The following ZNF280D variants were observed in gnomAD, a reference collection of about 807,000 sequenced individuals.
The protein encoded by ZNF280D is zinc finger protein 280D.
ZNF280D carries 39 observed loss-of-function variants against 94.7 expected under a neutral mutation model. The ratio of observed to expected loss-of-function variants is 0.41; its 90% CI spans 0.32 to 0.54. ZNF280D has a LOEUF of 0.54. Among genes scored for constraint, ZNF280D ranks in the 20% least tolerant of loss-of-function variants. The pLI is 0.22. For missense variants in ZNF280D, 1,090 were observed against 1,149.3 expected (o/e 0.95, Z 0.75); for synonymous variants, 398 against 377.6 (o/e 1.05, Z -0.63).
chr15:56,697,634 C>T (rs905404288), intron 6 of ZNF280D: 12 of 152,074 alleles, frequency 7.9e-5, no homozygotes, highest in South Asian at 2.1e-4. Context: ...GACAGTGGTG[C>T]CCTAACTCTT....
intron 6 of ZNF280D, among the ~76,000 whole-genome samples, chr15:56,694,116 A>G (rs2056587178): frequency 6.6e-6 from 1 of 152,160 alleles, no homozygotes; most frequent in South Asian, 2.1e-4. Flanking sequence ...AACTAAAAGG[A>G]AGATCTTAAG....
At chr15:56,705,342 G>A (rs2057341441) in intron 3 of ZNF280D, among the ~76,000 whole-genome samples, 1 of 152,090 alleles carries the variant, frequency 6.6e-6, no homozygotes, top group Admixed American at 6.5e-5. Context: ...GTGTCTCAGA[G>A]CGATTATTTA....
In ZNF280D at chr15:56,670,067, CATAT is replaced by C. The variant is rs201081844; in HGVS notation, c.1411-1114_1411-1111del. ...TCTTTTGTAGTTATATGTTGTTTTA[CATAT>C]ATATATATATATACACATGCACACA... On this transcript the variant is annotated intron_variant, in intron 13 of 21. Transcript: ENST00000267807. 1.0e-3 allele frequency among the ~76,000 whole-genome samples: 43 copies of C among 42,834 alleles called. 2 individuals carry two copies. Among genetic ancestry groups the C allele is most frequent in the South Asian group, 3.0e-3 (3 of 1,008 alleles). 28.1% of individuals were successfully genotyped at this position (42,834 alleles called of 152,430 possible). A position where few individuals can be genotyped will look rare whatever the true frequency, so the allele number is the denominator to read the frequency against.
At chr15:56,669,114 T>A (rs1195048018) in intron 13 of ZNF280D, among the ~76,000 whole-genome samples, 157 bp from the exon 14 acceptor site, 4 of 152,088 alleles carry the variant, frequency 2.6e-5, no homozygotes, top group African/African-American at 9.7e-5. Flanking sequence ...CCTCATTTTT[T>A]AAAAGTCATT....
At chr15:56,686,074 G>A (rs1271669913) in intron 9 of ZNF280D, among the ~76,000 whole-genome samples, 1 of 152,086 alleles carries the variant, frequency 6.6e-6, no homozygotes, top group South Asian at 2.1e-4. Context: ...TGGGCTAAAA[G>A]GCACTAACCA....
Position 56,693,134 on chromosome 15 carries a change from A to G in ZNF280D, c.463T>C (p.Ser155Pro), listed in dbSNP as rs1436398413. 6.2e-7 allele frequency: 1 copy of G among 1,606,630 alleles called. No homozygotes were observed. The highest frequency in any genetic ancestry group is 1.3e-5 in the African/African-American group (1 of 74,684). The part of the protein sequence containing the change: ...LFDLTQDTGL[S>P]HYQGGPTLSM... ...AGTGTTGGTCCCCCTTGGTAATGTG[A>G]TAATCCTGTATCCTGGGTCAAGTCA... Residue 155 changes from serine to proline, a missense_variant, in exon 7 of 22, where the codon TCA (serine) becomes CCA (proline). Around this residue, in one of 3 missense-constraint regions of ZNF280D, gnomAD observed 386 missense variants for 372.0 expected, o/e 1.04. Transcript: ENST00000267807.
intron 19 of ZNF280D, chr15:56,653,508 A>G: frequency 1.3e-6 from 2 of 1,518,156 alleles, no homozygotes; most frequent in Non-Finnish European, 1.8e-6. Context: ...TTCCTTGGAA[A>G]GAGAGAACAG....
intron 1 of ZNF280D, among the ~76,000 whole-genome samples, chr15:56,722,040 T>G (rs915568207): frequency 6.6e-6 from 1 of 152,182 alleles, no homozygotes; most frequent in South Asian, 2.1e-4. Context: ...AAGTTATTAA[T>G]TGGCCTAATT....
chr15:56,733,403 G>C (rs1474188009), intron 1 of ZNF280D, 55 bp downstream of exon 1: 1 of 967,816 alleles, frequency 1.0e-6, no homozygotes, highest in African/African-American at 1.8e-5. Context: ...CAGGCCGCGC[G>C]GGAGGGCCTC....
intron 20 of ZNF280D, among the ~76,000 whole-genome samples, chr15:56,637,296 C>A (rs1201848348): frequency 6.6e-6 from 1 of 152,052 alleles, no homozygotes; most frequent in Non-Finnish European, 1.5e-5. Context: ...CCTCAGTCTC[C>A]TGAGTAGCTA....
intron 21 of ZNF280D, among the ~76,000 whole-genome samples, chr15:56,633,651 C>T (rs1009173659): frequency 6.6e-6 from 1 of 151,656 alleles, no homozygotes; most frequent in Non-Finnish European, 1.5e-5. Context: ...CCACCAAGCC[C>T]GGCTAATTTT....
At chr15:56,722,541 G>A (rs1596680587) in intron 1 of ZNF280D, among the ~76,000 whole-genome samples, 1 of 152,338 alleles carries the variant, frequency 6.6e-6, no homozygotes, top group South Asian at 2.1e-4. Context: ...AAAATGTGGT[G>A]TATCAAGAAT....
intron 10 of ZNF280D, among the ~76,000 whole-genome samples, chr15:56,681,088 T>G (rs1278973878): frequency 1.3e-5 from 2 of 152,170 alleles, no homozygotes; most frequent in Non-Finnish European, 2.9e-5. Flanking sequence ...ATAAGAAAAT[T>G]CATATAAAAT....
chr15:56,707,409 C>G (rs1336854049), intron 1 of ZNF280D, 103 bp from the exon 2 acceptor site: 33 of 918,268 alleles, frequency 3.6e-5, no homozygotes, highest in South Asian at 6.3e-5. Flanking sequence ...TTTGATATAT[C>G]TGATATACAC....
chr15:56,632,811 C>G lies in ZNF280D; in HGVS notation c.2316-689G>C, dbSNP rs181101439. Among the ~76,000 whole-genome samples the G allele has an allele frequency of 3.8e-4, 58 of 151,972 alleles. 2 individuals are homozygous for G. The East Asian group carries it at 0.011, about 28-fold the overall frequency. ...GTCTCCTTTATGATTTAAATAGCTT[C>G]TTATGTTTAGAATGTCTTTCCATAC... On this transcript the variant is annotated intron_variant, in intron 21 of 21. Coordinates refer to ENST00000267807, the MANE Select transcript of ZNF280D (RefSeq NM_017661.4).
At chr15:56,651,380 A>G (rs2053194918) in intron 19 of ZNF280D, among the ~76,000 whole-genome samples, 1 of 152,212 alleles carries the variant, frequency 6.6e-6, no homozygotes, top group South Asian at 2.1e-4. Flanking sequence ...ATTAGACTCA[A>G]ACTAAAACTC....
At chr15:56,654,274 T>C (rs1195159460) in intron 18 of ZNF280D, 40 bp from the exon 19 acceptor site, 1 of 1,602,562 alleles carries the variant, frequency 6.2e-7, no homozygotes, top group African/African-American at 1.4e-5. Flanking sequence ...CAACAGCATA[T>C]GAAATATGAT....
Position 56,638,005 on chromosome 15 carries a change from T to C in ZNF280D, c.2260-2755A>G, listed in dbSNP as rs372721217. Among the ~76,000 whole-genome samples the C allele has an allele frequency of 2.9e-4, 44 of 152,312 alleles. No homozygotes were observed. In the South Asian group the frequency reaches 8.1e-3, roughly 28 times the overall value. On this transcript the variant is annotated intron_variant, in intron 20 of 21. Transcript: ENST00000267807. ...GTTGTACTTAACCACATTTTTTTCA[T>C]AGAACAGGATCATTTTTATTTTAAA...
At chr15:56,706,615 G>C (rs1201443412) in intron 3 of ZNF280D, among the ~76,000 whole-genome samples, 1 of 152,032 alleles carries the variant, frequency 6.6e-6, no homozygotes, top group African/African-American at 2.4e-5. Context: ...CTAGCCTCAA[G>C]AATTATGAGA....
Sources: gnomAD v4.1 joint callset for allele counts (sites outside exome capture counted in the v4.1 genomes callset) on GRCh38, gnomAD v4.1.1 for gene constraint, gnomAD v4.1.1 regional missense constraint, MANE v1.5 for transcripts, NCBI Gene and HGNC (gene_info 2026-07-23, HGNC 2026-07-21) for gene names.